Variants in TUT1 observed in about 807,000 individuals in gnomAD.
TUT1 encodes the protein terminal uridylyl transferase 1, U6 snRNA-specific.
Under a neutral mutation model 48.8 loss-of-function variants are expected in TUT1, and 26 were observed. The ratio of observed to expected loss-of-function variants is 0.53; its 90% CI spans 0.39 to 0.74. The LOEUF (loss-of-function observed/expected upper bound fraction) is 0.74. Among genes scored for constraint, TUT1 ranks in the 30% least tolerant of loss-of-function variants. The pLI is 0.00. For missense variants in TUT1, 1,065 were observed against 1,114.8 expected, an observed-to-expected ratio of 0.96 and a Z score of 0.64; for synonymous variants, 470 against 460.8, an observed-to-expected ratio of 1.02 and a Z score of -0.26.
chr11:62,579,096 A>T (rs367648102), intron 4 of TUT1, 66 bp from the exon 5 acceptor site: 3 of 1,237,022 alleles, frequency 2.4e-6, no homozygotes, highest in Non-Finnish European at 1.1e-6. Context: ...TCTCAAGATA[A>T]TATTACTTCC....
At chr11:62,576,846 G>A in intron 7 of TUT1, 61 bp downstream of exon 7, 1 of 1,593,636 alleles carries the variant, frequency 6.3e-7, no homozygotes, top group South Asian at 1.1e-5. Context: ...GTGTATCTAA[G>A]TGTGATGAAG....
chr11:62,586,049 C>CT (rs2134313507), intron 2 of TUT1, among the ~76,000 whole-genome samples: 1 of 152,352 alleles, frequency 6.6e-6, no homozygotes, highest in East Asian at 1.9e-4. Context: ...TTGCGGTGAG[C>CT]TGAGATCGCC....
At position 62,575,168 on chromosome 11, in the gene TUT1, G is replaced by T; in HGVS notation, c.2551C>A (p.Pro851Thr). The T allele has an allele frequency of 6.2e-7, 1 of 1,607,736 alleles. No homozygotes were observed. The highest frequency in any genetic ancestry group is 8.5e-7 in the Non-Finnish European group (1 of 1,175,130). Residue 851 changes from proline to threonine, a missense_variant, in exon 9 of 9, where the codon CCC (proline) becomes ACC (threonine). By Grantham distance (38) the Pro-to-Thr change is conservative (BLOSUM62 -1). Transcript: ENST00000476907. ...RMLTVTPLQDPQGLFPDLHHF... is the reference protein window; with the variant it reads ...RMLTVTPLQDTQGLFPDLHHF... ...TGGAGATCAGGGAACAGGCCTTGGG[G>T]ATCCTGGAGCGGGGTCACAGTGAGC...
intron 2 of TUT1, among the ~76,000 whole-genome samples, chr11:62,587,411 C>A (rs1941938732): frequency 6.6e-6 from 1 of 152,122 alleles, no homozygotes; most frequent in Non-Finnish European, 1.5e-5. Flanking sequence ...GAACTCCCGA[C>A]CTCACATGAT....
At position 62,581,582 on chromosome 11, in the gene TUT1, G is replaced by T; in HGVS notation, c.393C>A (p.Phe131Leu). The change falls in exon 3 of 9, where the codon TTC becomes TTA. Residue 131 changes from phenylalanine (F) to leucine (L), a missense_variant. Coordinates refer to ENST00000476907, the MANE Select transcript of TUT1 (RefSeq NM_022830.3). ...LRVRPREQKE[F>L]QSPASKSPKG... ...TGGGGGATTTGGAGGCCGGGCTCTG[G>T]AACTCCTTCTGCTCCCGTGGGCGGA... 6.2e-7 allele frequency: 1 copy of T among 1,609,730 alleles called. No homozygotes were observed. Among genetic ancestry groups the T allele is most frequent in the East Asian group, 2.2e-5 (1 of 44,822 alleles).
In TUT1 at chr11:62,585,287, T is replaced by G. The variant is rs139914513; in HGVS notation, c.274-3586A>C. ...AGGGGCACATCACCATGCGCAGACT[T>G]ACTTCTACCCCTATGCCAAACACAG... On this transcript the variant is annotated intron_variant, in intron 2 of 8. Coordinates refer to ENST00000476907, the MANE Select transcript of TUT1 (RefSeq NM_022830.3). Among the ~76,000 whole-genome samples, 786 of 152,218 alleles carry G rather than the reference T, an allele frequency of 5.2e-3. 2 individuals are homozygous for G. Among genetic ancestry groups the G allele is most frequent in the Middle Eastern group, 0.014 (4 of 294 alleles).
chr11:62,585,572 A>C (rs1941898449), intron 2 of TUT1, among the ~76,000 whole-genome samples: 1 of 152,174 alleles, frequency 6.6e-6, no homozygotes, highest in South Asian at 2.1e-4. Flanking sequence ...TAGCTCATGC[A>C]TGTAATCCCA....
At chr11:62,585,344 T>C (rs542583550) in intron 2 of TUT1, among the ~76,000 whole-genome samples, 58 of 152,112 alleles carry the variant, frequency 3.8e-4, no homozygotes, top group Non-Finnish European at 7.6e-4. Flanking sequence ...AGGACAAAGG[T>C]AGCTACTTGG....
Position 62,575,696 on chromosome 11 carries a change from C to T in TUT1, c.2023G>A (p.Glu675Lys). The part of the protein sequence containing the change: ...GQKNCCEEGK[E>K]EQQGCAGDGG... The stretch of plus-strand genomic sequence containing the variant: ...TCCCCTGCACATCCCTGCTGCTCCT[C>T]TTTCCCCTCCTCACAGCAGTTTTTC... The change falls in exon 9 of 9, where the codon GAG becomes AAG. Residue 675 changes from glutamate to lysine, a missense_variant. Coordinates refer to ENST00000476907, the MANE Select transcript of TUT1 (RefSeq NM_022830.3). 1 of 1,614,228 alleles carries T rather than the reference C, an allele frequency of 6.2e-7. No homozygotes were observed. Among genetic ancestry groups the T allele is most frequent in the South Asian group, 1.1e-5 (1 of 91,090 alleles).
intron 5 of TUT1, among the ~76,000 whole-genome samples, chr11:62,578,253 G>C (rs1260184683): frequency 6.6e-6 from 1 of 151,280 alleles, no homozygotes; most frequent in African/African-American, 2.4e-5. Flanking sequence ...ATTCTCAGCT[G>C]GCCTGCCCCA....
At position 62,577,006 on chromosome 11, in the gene TUT1, G is replaced by A. The variant is rs750733255; in HGVS notation, c.1282C>T (p.Leu428Phe). 6.8e-6 allele frequency: 11 copies of A among 1,613,848 alleles called. No individual in the cohort carries two copies. Among genetic ancestry groups the A allele is most frequent in the Admixed American group, 1.7e-5 (1 of 59,998 alleles). The change falls in exon 7 of 9, where the codon CTT becomes TTT. Residue 428 changes from leucine (L) to phenylalanine (F), a missense_variant. Transcript: ENST00000476907. ...AAGGTCAGGGCGTAGTTACTGAGAAGGGGGCCACTCCCTGGGTAAATAAGC... is the reference window on the plus strand; with the variant it reads ...AAGGTCAGGGCGTAGTTACTGAGAAAGGGGCCACTCCCTGGGTAAATAAGC... ...QGRGLSGSGP[L>F]LSNYALTLLV...
intron 3 of TUT1, 88 bp from the exon 4 acceptor site, chr11:62,581,294 C>G: frequency 6.4e-7 from 1 of 1,564,824 alleles, no homozygotes; most frequent in South Asian, 1.2e-5. Context: ...GGAAGAGCAA[C>G]CAAACACCTC....
At position 62,578,706 on chromosome 11, in the gene TUT1, C is replaced by T; in HGVS notation, c.1015G>A (p.Ala339Thr). The change falls in exon 5 of 9, where the codon GCA becomes ACA. Residue 339 changes from alanine to threonine, a missense_variant. Ala to Thr is a moderately conservative substitution (Grantham distance 58). Transcript: ENST00000476907. Reference sequence around the variant, plus strand: ...ATGGATCCCACCAGCTCCAGCATTGCTGCCCCCTCTGCTTTCTCCTCCTTT... The same window carrying T: ...ATGGATCCCACCAGCTCCAGCATTGTTGCCCCCTCTGCTTTCTCCTCCTTT... ...TPKEEKAEGAAMLELVGSILR... is the reference protein window; with the variant it reads ...TPKEEKAEGATMLELVGSILR... The T allele has an allele frequency of 6.2e-7, 1 of 1,614,246 alleles. No individual in the cohort carries two copies. Among genetic ancestry groups the T allele is most frequent in the Non-Finnish European group, 8.5e-7 (1 of 1,180,050 alleles).
chr11:62,579,977 T>C (rs1941799629), intron 4 of TUT1, among the ~76,000 whole-genome samples: 1 of 151,966 alleles, frequency 6.6e-6, no homozygotes, highest in Admixed American at 6.6e-5. Flanking sequence ...AAGTCTATTT[T>C]TTGAAAATAA....
Position 62,576,769 on chromosome 11 carries a change from G to A in TUT1, c.1382-20C>T, listed in dbSNP as rs755085889. On this transcript the variant is annotated intron_variant, in intron 7 of 8. Coordinates refer to ENST00000476907, the MANE Select transcript of TUT1 (RefSeq NM_022830.3). ...CCTCTCCTGTGAAAGTAAATAAGGTGAGAGTCAGTCTGGAAGCAAGGAGAT... is the reference window on the plus strand; with the variant it reads ...CCTCTCCTGTGAAAGTAAATAAGGTAAGAGTCAGTCTGGAAGCAAGGAGAT... 16 of 1,613,364 alleles carry A rather than the reference G, an allele frequency of 9.9e-6. No individual in the cohort carries two copies. The highest frequency in any genetic ancestry group is 1.3e-5 in the African/African-American group (1 of 74,904).
At chr11:62,586,773 G>A (rs1437205913) in intron 2 of TUT1, among the ~76,000 whole-genome samples, 2 of 151,574 alleles carry the variant, frequency 1.3e-5, no homozygotes, top group Non-Finnish European at 2.9e-5. Context: ...AAAATTAGCC[G>A]GGTGTGGTGG....
rs140385937 is a variant in TUT1 at position 62,575,873 on chromosome 11, A to C, written c.1846T>G (p.Phe616Val). The C allele has an allele frequency of 1.9e-6, 3 of 1,614,144 alleles. No individual in the cohort carries two copies. The Admixed American group carries it at 5.0e-5, about 27-fold the overall frequency. ...ACCAGGGCAGCAGTGAGCTGGGTGA[A>C]GGGTGCAAGGGGTAAAGGGATCGGC... Reference protein sequence around the residue: ...ATPIPLPLAPFTQLTAALVQV... With the variant: ...ATPIPLPLAPVTQLTAALVQV... Residue 616 changes from phenylalanine to valine, a missense_variant, in exon 9 of 9, where the codon TTC becomes GTC. Transcript: ENST00000476907.
Position 62,575,080 on chromosome 11 carries a change from C to T in TUT1, c.*14G>A, listed in dbSNP as rs1279675716. 6.4e-7 allele frequency: 1 copy of T among 1,552,680 alleles called. No individual in the cohort carries two copies. Among genetic ancestry groups the T allele is most frequent in the Non-Finnish European group, 8.7e-7 (1 of 1,149,586 alleles). On this transcript the variant is annotated 3_prime_UTR_variant, in exon 9 of 9. Coordinates refer to ENST00000476907, the MANE Select transcript of TUT1 (RefSeq NM_022830.3). The stretch of plus-strand genomic sequence containing the variant: ...ATAAACTAGCAGCTTTATTGCCCTT[C>T]AGGGGCCATGTCTTCACTTGAGATG...
At position 62,581,473 on chromosome 11, in the gene TUT1, C is replaced by A; in HGVS notation, c.502G>T (p.Gly168Trp). The A allele has an allele frequency of 6.2e-7, 1 of 1,614,174 alleles. No homozygotes were observed. Among genetic ancestry groups the A allele is most frequent in the African/African-American group, 1.3e-5 (1 of 75,068 alleles). The change falls in exon 3 of 9, where the codon GGG becomes TGG. Residue 168 changes from glycine to tryptophan, a missense_variant. Coordinates refer to ENST00000476907, the MANE Select transcript of TUT1 (RefSeq NM_022830.3). Reference protein sequence around the residue: ...DVGAQMIKLVGLRELSEAERQ... With the variant: ...DVGAQMIKLVWLRELSEAERQ... ...TCGGCCTCGGACAACTCCCTCAGCCCCACAAGCTTTATCATTTGTGCCCCC... is the reference window on the plus strand; with the variant it reads ...TCGGCCTCGGACAACTCCCTCAGCCACACAAGCTTTATCATTTGTGCCCCC...
Sources: gnomAD v4.1 joint callset for allele counts (sites outside exome capture counted in the v4.1 genomes callset) on GRCh38, gnomAD v4.1.1 for gene constraint, MANE v1.5 for transcripts, NCBI Gene and HGNC (gene_info 2026-07-23, HGNC 2026-07-21) for gene names.